The following AIG1 variants were observed in gnomAD, a reference collection of about 807,000 sequenced individuals.
AIG1 encodes the protein androgen-induced gene 1 protein.
In AIG1, 23 loss-of-function variants were observed where a neutral mutation model predicts 31.4. The ratio of observed to expected loss-of-function variants is 0.73; its 90% CI spans 0.53 to 1.04. AIG1 has a LOEUF of 1.04. Among genes scored for constraint, AIG1 ranks in the 50% least tolerant of loss-of-function variants. The pLI is 0.00. For synonymous variants in AIG1, 100 were observed against 110.5 expected, an observed-to-expected ratio of 0.90 and a Z score of 0.60; for missense variants, 274 against 295.0, an observed-to-expected ratio of 0.93 and a Z score of 0.52.
intron 4 of AIG1, among the ~76,000 whole-genome samples, chr6:143,313,162 T>C (rs1303792302): frequency 1.3e-5 from 2 of 152,026 alleles, no homozygotes; most frequent in African/African-American, 4.8e-5. Context: ...TTCAAAAAAC[T>C]GAAAATAGAG....
intron 1 of AIG1, among the ~76,000 whole-genome samples, chr6:143,079,246 A>G (rs992186001): frequency 1.3e-5 from 2 of 152,158 alleles, no homozygotes; most frequent in Admixed American, 6.5e-5. Context: ...GGGAATCATA[A>G]TCTCTAGCAG....
intron 2 of AIG1, among the ~76,000 whole-genome samples, chr6:143,150,007 A>G (rs1159743227): frequency 1.3e-5 from 2 of 152,236 alleles, no homozygotes; most frequent in Non-Finnish European, 2.9e-5. Context: ...AATGCATTCC[A>G]TAGAAGTAGC....
intron 1 of AIG1, among the ~76,000 whole-genome samples, chr6:143,091,484 TA>T (rs1779299684): frequency 6.6e-6 from 1 of 152,230 alleles, no homozygotes; most frequent in African/African-American, 2.4e-5. Flanking sequence ...TGTTTTAAAA[TA>T]AATGAATAAT....
At position 143,124,258 on chromosome 6, in the gene AIG1, A is replaced by G. The variant is rs117120227; in HGVS notation, c.142-12577A>G. ...AGCGCTGAAGGGCCATTGCAGGAGG[A>G]AGGGCCTCTCTTACTGTTTTCAGCT... On this transcript the variant is annotated intron_variant, in intron 1 of 5. Transcript: ENST00000357847. Among the ~76,000 whole-genome samples the G allele has an allele frequency of 3.0e-3, 452 of 152,308 alleles. 14 individuals are homozygous for G. The East Asian group carries it at 0.054, about 18-fold the overall frequency.
intron 3 of AIG1, among the ~76,000 whole-genome samples, chr6:143,270,714 T>C (rs1267011802): frequency 1.3e-5 from 2 of 152,250 alleles, no homozygotes; most frequent in Admixed American, 6.5e-5. Context: ...CTCTAAGAGC[T>C]TTAATTTCAT....
chr6:143,186,116 C>T (rs1305713428), intron 3 of AIG1, among the ~76,000 whole-genome samples: 2 of 152,176 alleles, frequency 1.3e-5, no homozygotes, highest in Admixed American at 1.3e-4. Flanking sequence ...GGGAGTGGAC[C>T]ATTCAGGGGC....
intron 1 of AIG1, among the ~76,000 whole-genome samples, chr6:143,112,951 A>G (rs895079454): frequency 6.6e-6 from 1 of 152,184 alleles, no homozygotes; most frequent in Non-Finnish European, 1.5e-5. Flanking sequence ...AAAAATAAGC[A>G]TCTTATTTTG....
chr6:143,327,404 C>A lies in AIG1; in HGVS notation c.516-5878C>A. The A allele has an allele frequency of 5.9e-6, 2 of 338,588 alleles. No homozygotes were observed. The highest frequency in any genetic ancestry group is 2.9e-5 in the South Asian group (1 of 35,000). The allele number at this position is 338,588 out of a possible 1,614,324, so 21.0% of individuals were successfully genotyped here. ...TGGAGTGGGCTTCAAGAAGTCTGCC[C>A]CTTGGGCACTCAAAGAGATCTGGAA... On this transcript the variant is annotated intron_variant, in intron 4 of 5. Transcript: ENST00000357847. The surrounding 1 kb of genome is among the most constrained non-coding windows in gnomAD (Gnocchi z 5.3).
At chr6:143,343,578 A>T (rs890210376), downstream of AIG1, among the ~76,000 whole-genome samples, 4 of 152,208 alleles carry the variant, frequency 2.6e-5, no homozygotes, top group Non-Finnish European at 4.4e-5. Flanking sequence ...GTAAAGGTTT[A>T]CATCTAGTTC....
chr6:143,260,867 G>C (rs1795724630), intron 3 of AIG1, among the ~76,000 whole-genome samples: 1 of 152,166 alleles, frequency 6.6e-6, no homozygotes, highest in Non-Finnish European at 1.5e-5. Flanking sequence ...GCAATTCATT[G>C]AACAGTATAT....
At chr6:143,318,462 A>G (rs555205241) in intron 4 of AIG1, among the ~76,000 whole-genome samples, 1 of 152,316 alleles carries the variant, frequency 6.6e-6, no homozygotes, top group East Asian at 1.9e-4. Context: ...CTCATCTTTC[A>G]CCTTATACAG....
chr6:143,194,046 A>C (rs1018718810), intron 3 of AIG1, among the ~76,000 whole-genome samples: 1 of 152,216 alleles, frequency 6.6e-6, no homozygotes, highest in Non-Finnish European at 1.5e-5. Context: ...GAAAGTCACA[A>C]ATGATTTATG....
intron 3 of AIG1, among the ~76,000 whole-genome samples, chr6:143,193,420 C>G (rs1288014280): frequency 6.6e-6 from 1 of 152,160 alleles, no homozygotes; most frequent in East Asian, 1.9e-4. Flanking sequence ...GCTACCTTGA[C>G]CTTTTGAGAA....
At chr6:143,189,667 ATCATCC>A in intron 3 of AIG1, 1 of 985,314 alleles carries the variant, frequency 1.0e-6, no homozygotes. Context: ...AAATTGCAGT[ATCATCC>A]TTTTTTTCTG....
intron 3 of AIG1, among the ~76,000 whole-genome samples, chr6:143,194,682 C>T (rs1050235617): frequency 2.0e-5 from 3 of 152,128 alleles, no homozygotes; most frequent in African/African-American, 7.2e-5. Flanking sequence ...TTGGGAGTCC[C>T]CCAAGATGCT....
rs1370904894 is a variant in AIG1 at position 143,268,046 on chromosome 6, A to C, written c.400-16064A>C. Among the ~76,000 whole-genome samples, 1 of 152,194 alleles carries C rather than the reference A, an allele frequency of 6.6e-6. No individual in the cohort carries two copies. Among genetic ancestry groups the C allele is most frequent in the Non-Finnish European group, 1.5e-5 (1 of 68,044 alleles). The stretch of plus-strand genomic sequence containing the variant: ...TGAGCACAATGTTGTAATACTGTTG[A>C]TCTCATGCTGATCTGAAGCTGGCCA... On this transcript the variant is annotated intron_variant, in intron 3 of 5. Transcript: ENST00000357847. This position sits in a 1 kb window ranked among gnomAD's most constrained non-coding sequence, Gnocchi z 5.0.
At chr6:143,230,923 C>A (rs1342134686) in intron 3 of AIG1, among the ~76,000 whole-genome samples, 1 of 152,168 alleles carries the variant, frequency 6.6e-6, no homozygotes, top group Non-Finnish European at 1.5e-5. Context: ...CTTAAATGTA[C>A]AATTAACTTT....
chr6:143,149,687 T>G (rs975038617), intron 2 of AIG1, among the ~76,000 whole-genome samples: 2 of 152,200 alleles, frequency 1.3e-5, no homozygotes, highest in African/African-American at 4.8e-5. Context: ...TGTTTCACAC[T>G]GTAGAGCCAA....
At chr6:143,132,262 T>A (rs1410485753) in intron 1 of AIG1, among the ~76,000 whole-genome samples, 2 of 152,202 alleles carry the variant, frequency 1.3e-5, no homozygotes, top group Non-Finnish European at 1.5e-5. Context: ...TTTCCATATG[T>A]GATATCATTT....
Sources: allele counts gnomAD v4.1 joint callset (sites outside exome capture counted in the v4.1 genomes callset), GRCh38; gene constraint gnomAD v4.1.1; non-coding constraint Gnocchi (gnomAD v3.1); transcripts MANE v1.5; gene names NCBI Gene and HGNC (gene_info 2026-07-23, HGNC 2026-07-21).